PTPRR: variants seen among roughly 807,000 people sequenced by gnomAD.
The protein encoded by PTPRR is protein tyrosine phosphatase receptor type R.
A neutral mutation model predicts 77.2 loss-of-function variants in PTPRR; 38 were observed. The observed-to-expected ratio is 0.49, with a 90% confidence interval of 0.38 to 0.65. The LOEUF (loss-of-function observed/expected upper bound fraction) is 0.65, where lower values mean the gene tolerates loss of function less well. PTPRR is among the 30% of genes least tolerant of loss of function. PTPRR has a pLI of 0.00. For synonymous variants in PTPRR, 299 were observed against 283.1 expected (o/e 1.06, Z -0.57); for missense variants, 744 against 799.2 (o/e 0.93, Z 0.83).
chr12:70,817,168 C>T (rs1040025), intron 2 of PTPRR, among the ~76,000 whole-genome samples: 50,295 of 151,958 alleles, frequency 0.33, 11,454 homozygotes, highest in African/African-American at 0.66. Flanking sequence ...AAAAAAGTAA[C>T]ACCTATGTTA....
chr12:70,672,250 G>A (rs920680153), intron 10 of PTPRR: 5 of 1,591,404 alleles, frequency 3.1e-6, no homozygotes, highest in Admixed American at 3.4e-5. Flanking sequence ...TGGTGTGTGT[G>A]GGCATGAATT....
intron 1 of PTPRR, among the ~76,000 whole-genome samples, chr12:70,904,912 A>G (rs916889141): frequency 5.3e-5 from 8 of 151,804 alleles, no homozygotes; most frequent in African/African-American, 1.7e-4. Flanking sequence ...GAGAGTGACT[A>G]TGTGTTACCA....
Position 70,684,146 on chromosome 12 carries a change from T to G in PTPRR, c.1478A>C (p.Lys493Thr), listed in dbSNP as rs750394481. Residue 493 changes from lysine (K) to threonine (T), a missense_variant, in exon 10 of 14, where the codon AAA becomes ACA. Lys to Thr is a moderately conservative substitution (Grantham distance 78). This residue lies in a region of PTPRR where 170 missense variants were observed against 209.8 expected (regional missense o/e 0.81). Transcript: ENST00000283228. ...EDSPVIVMIT[K>T]LKEKNEKCVL... Reference sequence around the variant, plus strand: ...TCATACCTCATTTTTTTCTTTGAGTTTTGTGATCATAACAATCACAGGGCT... The same window carrying G: ...TCATACCTCATTTTTTTCTTTGAGTGTTGTGATCATAACAATCACAGGGCT... The G allele has an allele frequency of 1.2e-6, 2 of 1,613,964 alleles. No individual in the cohort carries two copies. The highest frequency in any genetic ancestry group is 3.3e-5 in the Admixed American group (2 of 60,012).
chr12:70,883,044 T>C (rs1196530957), intron 2 of PTPRR, among the ~76,000 whole-genome samples: 1 of 152,130 alleles, frequency 6.6e-6, no homozygotes, highest in African/African-American at 2.4e-5. Context: ...AGTCTGAGGC[T>C]GGTAGCAGGA....
intron 2 of PTPRR, among the ~76,000 whole-genome samples, chr12:70,782,384 G>A (rs1407161164): frequency 1.3e-5 from 2 of 152,052 alleles, no homozygotes; most frequent in Non-Finnish European, 2.9e-5. Context: ...AAAGACACAT[G>A]CACACGTATG....
At chr12:70,783,726 C>T (rs940398544) in intron 2 of PTPRR, among the ~76,000 whole-genome samples, 2 of 152,138 alleles carry the variant, frequency 1.3e-5, no homozygotes, top group African/African-American at 4.8e-5. Context: ...GTCTGCCTCC[C>T]ATGGCTATCC....
chr12:70,712,824 T>G (rs922376686), intron 6 of PTPRR, among the ~76,000 whole-genome samples: 1 of 152,054 alleles, frequency 6.6e-6, no homozygotes, highest in African/African-American at 2.4e-5. Flanking sequence ...TATATAATAT[T>G]AATGAGTAAT....
At chr12:70,701,718 A>G (rs1031871881) in intron 6 of PTPRR, among the ~76,000 whole-genome samples, 1 of 152,264 alleles carries the variant, frequency 6.6e-6, no homozygotes, top group East Asian at 1.9e-4. Flanking sequence ...CATGACTGCA[A>G]TCCCAGCACT....
intron 5 of PTPRR, among the ~76,000 whole-genome samples, chr12:70,753,375 A>G (rs557520241): frequency 5.9e-4 from 90 of 152,328 alleles, no homozygotes; most frequent in African/African-American, 2.0e-3. Context: ...ATTTATTTAA[A>G]TGTACAAAAT....
At chr12:70,709,001 A>G (rs545216691) in intron 6 of PTPRR, among the ~76,000 whole-genome samples, 1 of 152,086 alleles carries the variant, frequency 6.6e-6, no homozygotes, top group South Asian at 2.1e-4. Context: ...TGATACCAAA[A>G]CCTGGCAGAG....
At chr12:70,757,102 T>C (rs1370762875) in intron 4 of PTPRR, among the ~76,000 whole-genome samples, 1 of 152,214 alleles carries the variant, frequency 6.6e-6, no homozygotes, top group East Asian at 1.9e-4. Context: ...ACTGTATGGC[T>C]AGGTCTACAC....
In PTPRR at chr12:70,901,711, A is replaced by G. The variant is rs1893537139; in HGVS notation, c.59-8734T>C. Among the ~76,000 whole-genome samples the G allele has an allele frequency of 2.6e-5, 4 of 151,772 alleles. No individual in the cohort carries two copies. In the South Asian group the frequency reaches 8.3e-4, roughly 31 times the overall value. On this transcript the variant is annotated intron_variant, in intron 1 of 13. Coordinates refer to ENST00000283228, the MANE Select transcript of PTPRR (RefSeq NM_002849.4). ...TGTCTTAGGCGAGGATTTCATGGCC[A>G]ATAACCCAAAAGCAAATGCAATAAA... is the stretch of plus-strand genomic sequence containing the variant.
chr12:70,695,490 C>T (rs1306875560), intron 8 of PTPRR, among the ~76,000 whole-genome samples: 1 of 152,174 alleles, frequency 6.6e-6, no homozygotes, highest in Non-Finnish European at 1.5e-5. Flanking sequence ...TCATTTGCAA[C>T]ATCAGCTGTC....
chr12:70,746,140 G>T, intron 5 of PTPRR, 54 bp from the exon 6 acceptor site: 1 of 1,519,926 alleles, frequency 6.6e-7, no homozygotes, highest in Non-Finnish European at 8.9e-7. Context: ...CTAAACAAGA[G>T]TATGATCTCC....
At chr12:70,720,162 C>A (rs749921529) in intron 6 of PTPRR, among the ~76,000 whole-genome samples, 7 of 152,160 alleles carry the variant, frequency 4.6e-5, no homozygotes, top group African/African-American at 9.7e-5. Flanking sequence ...AAAGAAAAAT[C>A]CTCGGGTGCC....
intron 2 of PTPRR, among the ~76,000 whole-genome samples, chr12:70,769,476 G>C (rs1314217341): frequency 1.3e-5 from 2 of 152,122 alleles, no homozygotes; most frequent in Admixed American, 1.3e-4. Flanking sequence ...CTTCTTCAAG[G>C]AGAACTACAA....
intron 2 of PTPRR, among the ~76,000 whole-genome samples, chr12:70,867,348 G>T (rs1196901847): frequency 6.6e-6 from 1 of 151,318 alleles, no homozygotes; most frequent in South Asian, 2.1e-4. Flanking sequence ...AAAGTCTCAG[G>T]ATACAAAATC....
intron 6 of PTPRR, among the ~76,000 whole-genome samples, chr12:70,710,425 TA>T (rs1216220472): frequency 1.3e-5 from 2 of 152,114 alleles, no homozygotes; most frequent in Admixed American, 6.6e-5. Context: ...CGCTTAAATG[TA>T]AAAACCCAAA....
rs897636978 is a variant in PTPRR at position 70,775,719 on chromosome 12, G to T, written c.358-10941C>A. 2.0e-5 allele frequency among the ~76,000 whole-genome samples: 3 copies of T among 152,026 alleles called. No homozygotes were observed. The East Asian group carries it at 5.8e-4, about 29-fold the overall frequency. ...TCCCAACAGCCACAAAAGGACCAAA[G>T]CTTCCTTTTGGACCAAAAGCTTGCT... On this transcript the variant is annotated intron_variant, in intron 2 of 13. Transcript: ENST00000283228.
Sources: allele counts gnomAD v4.1 joint callset (sites outside exome capture counted in the v4.1 genomes callset), GRCh38; gene constraint gnomAD v4.1.1; regional missense constraint gnomAD v4.1.1; transcripts MANE v1.5; gene names NCBI Gene and HGNC (gene_info 2026-07-23, HGNC 2026-07-21).